The following MARCHF1 variants were observed in gnomAD, a reference collection of about 807,000 sequenced individuals.
The protein encoded by MARCHF1 is E3 ubiquitin-protein ligase MARCHF1.
Under a neutral mutation model 54.2 loss-of-function variants are expected in MARCHF1, and 40 were observed. That is an observed-to-expected ratio of 0.74 (90% CI 0.57 to 0.96). The LOEUF (loss-of-function observed/expected upper bound fraction) is 0.96. MARCHF1 is among the 40% of genes least tolerant of loss of function. The pLI is 0.00. For synonymous variants in MARCHF1, 236 were observed against 236.3 expected (o/e 1.00, Z 0.01); for missense variants, 586 against 656.5 (o/e 0.89, Z 1.17).
chr4:164,140,061 T>G (rs1459211065), intron 1 of MARCHF1, among the ~76,000 whole-genome samples: 1 of 152,032 alleles, frequency 6.6e-6, no homozygotes, highest in East Asian at 1.9e-4. Context: ...ATTTCTGGAT[T>G]AAACTTTTTA....
chr4:164,350,359 G>T (rs1262589442), intron 1 of MARCHF1, among the ~76,000 whole-genome samples: 3 of 152,074 alleles, frequency 2.0e-5, no homozygotes, highest in African/African-American at 4.8e-5. Flanking sequence ...AGGGTTGGGG[G>T]GAAGGGAGGA....
intron 1 of MARCHF1, among the ~76,000 whole-genome samples, chr4:164,209,303 A>G (rs1364459651): frequency 6.6e-6 from 1 of 152,178 alleles, no homozygotes; most frequent in Non-Finnish European, 1.5e-5. Flanking sequence ...CACTTGGACA[A>G]TATATCTTCC....
chr4:163,741,351 G>A (rs1460912817), intron 4 of MARCHF1, among the ~76,000 whole-genome samples: 5 of 152,036 alleles, frequency 3.3e-5, no homozygotes, highest in Non-Finnish European at 7.4e-5. Context: ...TTGGGAGGCC[G>A]AGGTGGGTGG....
intron 5 of MARCHF1, among the ~76,000 whole-genome samples, chr4:163,679,307 C>T (rs1216114205): frequency 6.6e-6 from 1 of 152,200 alleles, no homozygotes; most frequent in Non-Finnish European, 1.5e-5. Flanking sequence ...AGAAGAAAAT[C>T]TCTGAGTATG....
intron 5 of MARCHF1, among the ~76,000 whole-genome samples, chr4:163,617,669 C>T (rs1435377364): frequency 6.6e-6 from 1 of 152,004 alleles, no homozygotes; most frequent in Non-Finnish European, 1.5e-5. Context: ...ATTATACATT[C>T]TTTATTCTAT....
chr4:164,238,029 C>T (rs1051125903), intron 1 of MARCHF1, among the ~76,000 whole-genome samples: 12 of 151,912 alleles, frequency 7.9e-5, no homozygotes, highest in African/African-American at 2.9e-4. Flanking sequence ...AACAATTAAA[C>T]TAATATAATT....
chr4:164,351,488 C>T (rs1175981883), intron 1 of MARCHF1, among the ~76,000 whole-genome samples: 1 of 151,636 alleles, frequency 6.6e-6, no homozygotes, highest in African/African-American at 2.4e-5. Flanking sequence ...GGAGGCACCC[C>T]CCAGCAGGGG....
At chr4:163,769,702 T>G (rs1747099086) in intron 4 of MARCHF1, among the ~76,000 whole-genome samples, 1 of 152,158 alleles carries the variant, frequency 6.6e-6, no homozygotes, top group Admixed American at 6.6e-5. Flanking sequence ...TTTAGAATGG[T>G]CTGTGAATTG....
intron 1 of MARCHF1, among the ~76,000 whole-genome samples, chr4:164,290,871 C>T (rs1002817028): frequency 2.0e-5 from 3 of 151,974 alleles, no homozygotes; most frequent in African/African-American, 4.8e-5. Flanking sequence ...GAAATAGACA[C>T]ATTTCTCCAA....
At chr4:164,173,076 G>A (rs982477983) in intron 1 of MARCHF1, among the ~76,000 whole-genome samples, 2 of 151,712 alleles carry the variant, frequency 1.3e-5, no homozygotes, top group African/African-American at 4.8e-5. Context: ...CAATTTGCAA[G>A]TTTTGAGTAC....
intron 1 of MARCHF1, among the ~76,000 whole-genome samples, chr4:164,336,084 T>A (rs1373287278): frequency 6.6e-6 from 1 of 152,140 alleles, no homozygotes; most frequent in Admixed American, 6.5e-5. Context: ...CCCATGAATA[T>A]AACATGCTGA....
rs530575861 is a variant in MARCHF1, at chr4:163,887,428, A to C, written c.-38-33259T>G. The stretch of plus-strand genomic sequence containing the variant: ...TGTTTCTAAAGAAAAGAAAAGAGGC[A>C]AGTGTCCCAGAGTTTGCTACTCAGA... On this transcript the variant is annotated intron_variant, in intron 3 of 9. Transcript: ENST00000514618. Among the ~76,000 whole-genome samples the C allele has an allele frequency of 3.3e-5, 5 of 152,220 alleles. No homozygotes were observed. In the South Asian group the frequency reaches 1.0e-3, roughly 32 times the overall value.
chr4:164,214,537 G>T (rs796701960), intron 1 of MARCHF1, among the ~76,000 whole-genome samples: 5 of 152,118 alleles, frequency 3.3e-5, no homozygotes, highest in African/African-American at 1.2e-4. Flanking sequence ...ATCAAAGATT[G>T]TGTAAATGGT....
At chr4:164,335,664 C>T (rs944886841) in intron 1 of MARCHF1, among the ~76,000 whole-genome samples, 18 of 151,318 alleles carry the variant, frequency 1.2e-4, no homozygotes, top group African/African-American at 3.6e-4. Flanking sequence ...CAGCCATCAA[C>T]ATCGAAGCAG....
intron 2 of MARCHF1, among the ~76,000 whole-genome samples, chr4:164,098,176 C>T (rs563066191): frequency 6.6e-6 from 1 of 152,274 alleles, no homozygotes; most frequent in African/African-American, 2.4e-5. Context: ...AACAAAATTT[C>T]AGATTATCAT....
chr4:164,107,362 T>G (rs1318698201), intron 2 of MARCHF1, among the ~76,000 whole-genome samples: 1 of 152,108 alleles, frequency 6.6e-6, no homozygotes, highest in Non-Finnish European at 1.5e-5. Flanking sequence ...TATTAATTTC[T>G]TTTCTTATTA....
chr4:163,750,389 T>C (rs1746485731), intron 4 of MARCHF1, among the ~76,000 whole-genome samples: 1 of 151,620 alleles, frequency 6.6e-6, no homozygotes. Context: ...CAGGCAGCTG[T>C]AGTCCCAGCT....
chr4:163,805,235 G>A (rs75081387), intron 4 of MARCHF1, among the ~76,000 whole-genome samples: 1,833 of 152,058 alleles, frequency 0.012, 35 homozygotes, highest in African/African-American at 0.041. Flanking sequence ...TTTAAACGTT[G>A]TATTATTATT....
chr4:163,806,133 A>G (rs867297553), intron 4 of MARCHF1, among the ~76,000 whole-genome samples: 11 of 152,274 alleles, frequency 7.2e-5, no homozygotes, highest in African/African-American at 2.6e-4. Flanking sequence ...TTTAATTTAG[A>G]AGTTTCACAA....
Sources: gnomAD v4.1 joint callset for allele counts (sites outside exome capture counted in the v4.1 genomes callset) on GRCh38, gnomAD v4.1.1 for gene constraint, MANE v1.5 for transcripts, NCBI Gene and HGNC (gene_info 2026-07-23, HGNC 2026-07-21) for gene names.